Variants in LRP10 observed in about 807,000 individuals in gnomAD.
LRP10 encodes the protein low-density lipoprotein receptor-related protein 10.
A neutral mutation model predicts 58.5 loss-of-function variants in LRP10; 42 were observed. The observed-to-expected ratio is 0.72, with a 90% CI of 0.56 to 0.93. LRP10 has a LOEUF of 0.93. Among genes scored for constraint, LRP10 ranks in the 40% least tolerant of loss-of-function variants. The pLI, the probability that LRP10 is intolerant of heterozygous loss-of-function variation, is 0.00. For missense variants in LRP10, 872 were observed against 940.1 expected (o/e 0.93, Z 0.95); for synonymous variants, 377 against 388.5 (o/e 0.97, Z 0.35).
Position 22,876,737 on chromosome 14 carries a change from G to A in LRP10, c.1473G>A (p.Gln491=), listed in dbSNP as rs186917466. 1 of 1,614,008 alleles carries A rather than the reference G, an allele frequency of 6.2e-7. No homozygotes were observed. Among genetic ancestry groups the A allele is most frequent in the Non-Finnish European group, 8.5e-7 (1 of 1,179,936 alleles). The change falls in exon 6 of 7, where the codon CAG becomes CAA. Residue 491 remains glutamine (Q), a synonymous_variant. Transcript: ENST00000359591. ...SRMEAEIVQQ[Q]APPSYGQLIA... ...TGGAGGCTGAGATTGTGCAGCAGCA[G>A]GCACCCCCTTCCTACGGGCAGCTCA...
At chr14:22,874,048 GAA>G (rs1211920002) in intron 3 of LRP10, among the ~76,000 whole-genome samples, 16 of 152,204 alleles carry the variant, frequency 1.1e-4, no homozygotes, top group African/African-American at 3.9e-4. Context: ...GAACTGTTCT[GAA>G]GAGTCCTTCC....
rs2040058335 is a variant in LRP10 at position 22,881,225 on chromosome 14, C to T, written c.*3698C>T. On this transcript the variant is annotated 3_prime_UTR_variant, in exon 7 of 7. Coordinates refer to ENST00000359591, the MANE Select transcript of LRP10 (RefSeq NM_014045.5). ...CCCTTGTCCCACCATTCCATGGGAC[C>T]TCCCATTCCTGAGGGAGCCTGGATA... The T allele has an allele frequency of 6.6e-6, 1 of 152,300 alleles. No homozygotes were observed. The highest frequency in any genetic ancestry group is 2.1e-4 in the South Asian group (1 of 4,826). 9.4% of individuals were successfully genotyped at this position (152,300 alleles called of 1,614,324 possible). A position where few individuals can be genotyped will look rare whatever the true frequency, so the allele number is the denominator to read the frequency against.
Position 22,877,598 on chromosome 14 carries a change from T to A in LRP10, c.*71T>A. Reference sequence around the variant, plus strand: ...TCATAGTGGCACAACCTTTTAGAGGTGGGTCAGCCTCCCCTCCACCACTTC... The same window carrying A: ...TCATAGTGGCACAACCTTTTAGAGGAGGGTCAGCCTCCCCTCCACCACTTC... On this transcript the variant is annotated 3_prime_UTR_variant, in exon 7 of 7. Transcript: ENST00000359591. This position sits in a 1 kb window ranked among gnomAD's most constrained non-coding sequence, Gnocchi z 5.1. 1 of 1,226,256 alleles carries A rather than the reference T, an allele frequency of 8.2e-7. No homozygotes were observed. The highest frequency in any genetic ancestry group is 1.1e-6 in the Non-Finnish European group (1 of 909,374). 76.0% of individuals were successfully genotyped at this position (1,226,256 alleles called of 1,614,324 possible).
chr14:22,872,903 C>A, intron 2 of LRP10, 121 bp downstream of exon 2: 2 of 999,890 alleles, frequency 2.0e-6, no homozygotes, highest in South Asian at 1.4e-5. Flanking sequence ...ATAATTTAGC[C>A]TTTATTTATA....
chr14:22,872,767 A>T lies in LRP10; in HGVS notation c.64A>T (p.Ile22Phe). The change falls in exon 2 of 7, where the codon ATT (isoleucine) becomes TTT (phenylalanine). Residue 22 changes from isoleucine (I) to phenylalanine (F), a missense_variant. Coordinates refer to ENST00000359591, the MANE Select transcript of LRP10 (RefSeq NM_014045.5). ...CGCTCTGGCCCATCCAGACCGGATT[A>T]TTTTTCCAAATCATGGTGAGTTGAG... ...GGALAHPDRI[I>F]FPNHACEDPP... The T allele has an allele frequency of 6.2e-7, 1 of 1,613,896 alleles. No individual in the cohort carries two copies. The highest frequency in any genetic ancestry group is 8.5e-7 in the Non-Finnish European group (1 of 1,179,956).
Position 22,875,849 on chromosome 14 carries a change from A to G in LRP10, c.901A>G (p.Thr301Ala). ...AWSNGRGFNA[T>A]YHVRGYCLPW... The stretch of plus-strand genomic sequence containing the variant: ...GAGCAATGGTCGTGGCTTCAATGCC[A>G]CCTACCATGTGCGGGGCTATTGCTT... The change falls in exon 5 of 7, where the codon ACC becomes GCC. Residue 301 changes from threonine to alanine, a missense_variant. By Grantham distance (58) the Thr-to-Ala change is moderately conservative. Coordinates refer to ENST00000359591, the MANE Select transcript of LRP10 (RefSeq NM_014045.5). 6.2e-7 allele frequency: 1 copy of G among 1,613,932 alleles called. No homozygotes were observed.
chr14:22,873,214 G>C, intron 2 of LRP10, 97 bp from the exon 3 acceptor site: 1 of 1,472,960 alleles, frequency 6.8e-7, no homozygotes, highest in Non-Finnish European at 9.2e-7. Context: ...TCCTTGCAGA[G>C]CCCAGACTTT....
chr14:22,877,416 A>AC lies in LRP10; in HGVS notation c.2035dup (p.His679ProfsTer10), dbSNP rs1453597006. On this transcript the variant is annotated frameshift_variant, in exon 7 of 7. Transcript: ENST00000359591. LOFTEE classifies it high-confidence loss of function. This position sits in a 1 kb window ranked among gnomAD's most constrained non-coding sequence, Gnocchi z 5.1. ...CAGGACCAACCCGGAGCCCCCCTGG[A>AC]CCCCACACAGCAGTCCTGGCCCTGG... is the stretch of plus-strand genomic sequence containing the variant. 2 of 1,613,606 alleles carry AC rather than the reference A, an allele frequency of 1.2e-6. No individual in the cohort carries two copies. The highest frequency in any genetic ancestry group is 2.7e-5 in the African/African-American group (2 of 74,886).
At chr14:22,876,474 TC>T in intron 5 of LRP10, 102 bp downstream of exon 5, 1 of 1,434,904 alleles carries the variant, frequency 7.0e-7, no homozygotes, top group African/African-American at 1.4e-5. Context: ...GGGGAGAGGC[TC>T]CCATGATCAG....
intron 3 of LRP10, among the ~76,000 whole-genome samples, chr14:22,874,206 G>A (rs2039981144): frequency 6.6e-6 from 1 of 152,196 alleles, no homozygotes; most frequent in Admixed American, 6.5e-5. Context: ...TTAAGTACCT[G>A]GCTGTTTGCC....
Position 22,875,917 on chromosome 14 carries a change from T to A in LRP10, c.969T>A (p.Ala323=). 2 of 1,613,524 alleles carry A rather than the reference T, an allele frequency of 1.2e-6. No individual in the cohort carries two copies. The highest frequency in any genetic ancestry group is 1.7e-6 in the Non-Finnish European group (2 of 1,179,714). The change falls in exon 5 of 7, where the codon GCT becomes GCA. Residue 323 remains alanine, a synonymous_variant. Coordinates refer to ENST00000359591, the MANE Select transcript of LRP10 (RefSeq NM_014045.5). ...GTGGCTTAGGCTCTGGCCTGGGAGC[T>A]GGCGAAGGCCTAGGTGAGCGCTGCT... is the stretch of plus-strand genomic sequence containing the variant. The part of the protein sequence containing the change: ...RPCGLGSGLG[A]GEGLGERCYS...
rs990551144 is a variant in LRP10, at chr14:22,877,528, G to A, written c.*1G>A. The A allele has an allele frequency of 8.2e-6, 13 of 1,585,288 alleles. No homozygotes were observed. Among genetic ancestry groups the A allele is most frequent in the Admixed American group, 1.7e-5 (1 of 57,146 alleles). ...AGAGGATGAGCCACTGCTTACCTGA[G>A]GGGACCTGGGGGCTCTACTGAGGCC... On this transcript the variant is annotated 3_prime_UTR_variant, in exon 7 of 7. Transcript: ENST00000359591. The surrounding 1 kb of genome is among the most constrained non-coding windows in gnomAD (Gnocchi z 5.1).
rs2040039196 is a variant in LRP10 at position 22,879,333 on chromosome 14, G to A, written c.*1806G>A. On this transcript the variant is annotated 3_prime_UTR_variant, in exon 7 of 7. Transcript: ENST00000359591. ...CTCCAGAGACTGGGGAGAGGGCTCT[G>A]GAGAACCTGGTTCTTGCTTACTGTT... 8.3e-6 allele frequency: 3 copies of A among 361,410 alleles called. No homozygotes were observed. The Admixed American group carries it at 9.1e-5, about 11-fold the overall frequency. The allele number at this position is 361,410 out of a possible 1,614,324, so 22.4% of individuals were successfully genotyped here.
At chr14:22,875,299 G>A (rs1330493572) in intron 4 of LRP10, 54 bp downstream of exon 4, 1 of 1,583,480 alleles carries the variant, frequency 6.3e-7, no homozygotes. Context: ...CAGGCAGAAG[G>A]GGAGGATCCT....
chr14:22,879,187 C>A lies in LRP10; in HGVS notation c.*1660C>A, dbSNP rs2040037916. ...AACCCAGCACTAATTGCACAATTTTCCTCTCTTCTAGTGAGCAAGAGCCTG... is the reference window on the plus strand; with the variant it reads ...AACCCAGCACTAATTGCACAATTTTACTCTCTTCTAGTGAGCAAGAGCCTG... On this transcript the variant is annotated 3_prime_UTR_variant, in exon 7 of 7. Transcript: ENST00000359591. 2.2e-6 allele frequency: 1 copy of A among 456,656 alleles called. No homozygotes were observed. Among genetic ancestry groups the A allele is most frequent in the Non-Finnish European group, 4.4e-6 (1 of 226,942 alleles). The allele number at this position is 456,656 out of a possible 1,614,324, so 28.3% of individuals were successfully genotyped here.
rs56248501 is a variant in LRP10, at chr14:22,872,119, A to G, written c.-185A>G. The G allele has an allele frequency of 7.5e-3, 4,734 of 630,016 alleles. 199 individuals are homozygous for G. In the African/African-American group the frequency reaches 0.079, roughly 11 times the overall value. 39.0% of individuals were successfully genotyped at this position (630,016 alleles called of 1,614,324 possible). The stretch of plus-strand genomic sequence containing the variant: ...AAAGTTGGCGAAAGGCACCGCCCCT[A>G]CTCCCGGGCTGCCGCCGCCTCCCCG... On this transcript the variant is annotated 5_prime_UTR_variant, in exon 1 of 7. Coordinates refer to ENST00000359591, the MANE Select transcript of LRP10 (RefSeq NM_014045.5).
In LRP10 at chr14:22,872,800, C is replaced by T; in HGVS notation, c.79+18C>T. The T allele has an allele frequency of 6.2e-7, 1 of 1,614,014 alleles. No homozygotes were observed. Among genetic ancestry groups the T allele is most frequent in the South Asian group, 1.1e-5 (1 of 91,068 alleles). ...AAATCATGGTGAGTTGAGGGAACCT[C>T]TGGGGCTCCGTGGGCTTGGGAATGA... On this transcript the variant is annotated intron_variant, in intron 2 of 6. Transcript: ENST00000359591.
rs2040045808 is a variant in LRP10, at chr14:22,880,017, G to A, written c.*2490G>A. Reference sequence around the variant, plus strand: ...CGTTAAGGCTCTTGGTGGGAAGGTGGGAGGTGTTTTCAGCATGAGATAGGG... The same window carrying A: ...CGTTAAGGCTCTTGGTGGGAAGGTGAGAGGTGTTTTCAGCATGAGATAGGG... On this transcript the variant is annotated 3_prime_UTR_variant, in exon 7 of 7. Transcript: ENST00000359591. The A allele has an allele frequency of 6.6e-6, 1 of 152,194 alleles. No individual in the cohort carries two copies. Among genetic ancestry groups the A allele is most frequent in the East Asian group, 1.9e-4 (1 of 5,204 alleles). The allele number at this position is 152,194 out of a possible 1,614,324, so 9.4% of individuals were successfully genotyped here.
chr14:22,877,610 C>T lies in LRP10; in HGVS notation c.*83C>T. On this transcript the variant is annotated 3_prime_UTR_variant, in exon 7 of 7. Coordinates refer to ENST00000359591, the MANE Select transcript of LRP10 (RefSeq NM_014045.5). The surrounding 1 kb of genome is among the most constrained non-coding windows in gnomAD (Gnocchi z 5.1). ...AACCTTTTAGAGGTGGGTCAGCCTC[C>T]CCTCCACCACTTCCTTCCCTGTCCC... 2.0e-6 allele frequency: 2 copies of T among 1,022,510 alleles called. No individual in the cohort carries two copies. The highest frequency in any genetic ancestry group is 2.8e-6 in the Non-Finnish European group (2 of 726,556). The allele number at this position is 1,022,510 out of a possible 1,614,324, so 63.3% of individuals were successfully genotyped here.
Sources: allele counts gnomAD v4.1 joint callset (sites outside exome capture counted in the v4.1 genomes callset), GRCh38; gene constraint gnomAD v4.1.1; non-coding constraint Gnocchi (gnomAD v3.1); transcripts MANE v1.5; gene names NCBI Gene and HGNC (gene_info 2026-07-23, HGNC 2026-07-21).